Variants in RAMP1 observed in about 807,000 individuals in gnomAD.
RAMP1 encodes receptor activity modifying protein 1.
Under a neutral mutation model 8.2 loss-of-function variants are expected in RAMP1, and 7 were observed. The observed-to-expected ratio is 0.85, with a 90% CI of 0.49 to 1.60. The LOEUF (loss-of-function observed/expected upper bound fraction) is 1.60. Among genes scored for constraint, RAMP1 ranks in the 40% most tolerant of loss-of-function variants. The pLI is 0.00. For synonymous variants in RAMP1, 92 were observed against 84.7 expected, an observed-to-expected ratio of 1.09 and a Z score of -0.47; for missense variants, 192 against 202.4, an observed-to-expected ratio of 0.95 and a Z score of 0.31.
Position 237,886,945 on chromosome 2 carries a change from G to A in RAMP1, c.191+9583G>A, listed in dbSNP as rs116603311. ...ACCCCCGCCTCCCCTGTGGACACTC[G>A]ACTACAGCAGCCACACCCCCAGAAA... is the stretch of plus-strand genomic sequence containing the variant. On this transcript the variant is annotated intron_variant, in intron 2 of 2. Coordinates refer to ENST00000254661, the MANE Select transcript of RAMP1 (RefSeq NM_005855.4). Among the ~76,000 whole-genome samples the A allele has an allele frequency of 7.9e-3, 1,206 of 152,274 alleles. 18 individuals are homozygous for A. Among genetic ancestry groups the A allele is most frequent in the African/African-American group, 0.025 (1,045 of 41,542 alleles).
chr2:237,909,079 G>A (rs2062681944), intron 2 of RAMP1, among the ~76,000 whole-genome samples: 1 of 152,166 alleles, frequency 6.6e-6, no homozygotes, highest in African/African-American at 2.4e-5. Context: ...TGCCCCCATG[G>A]GGCAAGGGCT....
chr2:237,872,218 G>A (rs957016716), intron 1 of RAMP1, among the ~76,000 whole-genome samples: 10 of 152,292 alleles, frequency 6.6e-5, no homozygotes, highest in African/African-American at 1.7e-4. Flanking sequence ...GAGGAGAGGC[G>A]GCTCGGCAGC....
intron 2 of RAMP1, among the ~76,000 whole-genome samples, chr2:237,879,597 G>A (rs1348041346): frequency 8.4e-6 from 1 of 118,622 alleles, no homozygotes; most frequent in African/African-American, 3.5e-5. Flanking sequence ...CCATTAACTC[G>A]TCATTTAATG....
At position 237,877,110 on chromosome 2, in the gene RAMP1, T is replaced by C; in HGVS notation, c.53-114T>C. 7.4e-7 allele frequency: 1 copy of C among 1,359,018 alleles called. No homozygotes were observed. The highest frequency in any genetic ancestry group is 1.4e-5 in the African/African-American group (1 of 69,950). The allele number at this position is 1,359,018 out of a possible 1,614,324, so 84.2% of individuals were successfully genotyped here. ...AGCCACAGTCGCCCTCTCCAGGGGT[T>C]GCTTAGAGGCCCCGTTCTCGTGGAG... On this transcript the variant is annotated intron_variant, in intron 1 of 2. Coordinates refer to ENST00000254661, the MANE Select transcript of RAMP1 (RefSeq NM_005855.4). This position sits in a 1 kb window ranked among gnomAD's most constrained non-coding sequence, Gnocchi z 4.4.
rs541203737 is a variant in RAMP1 at position 237,885,487 on chromosome 2, A to G, written c.191+8125A>G. Among the ~76,000 whole-genome samples, 179 of 152,340 alleles carry G rather than the reference A, an allele frequency of 1.2e-3. 2 individuals carry two copies. Among genetic ancestry groups the G allele is most frequent in the East Asian group, 1.3e-3 (7 of 5,190 alleles). On this transcript the variant is annotated intron_variant, in intron 2 of 2. Coordinates refer to ENST00000254661, the MANE Select transcript of RAMP1 (RefSeq NM_005855.4). ...CCGCCCTGGAACTTGCCACATGCCC[A>G]CGAGCACTGGGACCCCTCTGTGCTC...
chr2:237,883,826 AAAAAGAAAAG>A lies in RAMP1; in HGVS notation c.191+6474_191+6483del, dbSNP rs1363012537. Among the ~76,000 whole-genome samples the A allele has an allele frequency of 3.3e-5, 5 of 149,680 alleles. No individual in the cohort carries two copies. In the South Asian group the frequency reaches 1.0e-3, roughly 31 times the overall value. On this transcript the variant is annotated intron_variant, in intron 2 of 2. Transcript: ENST00000254661. ...AACCAGACCCTACCTCAAAAAAAAAAAAAAGAAAAGAAAAGAAAAAAAAAAAAGAGGCTCC... is the reference window on the plus strand; with the variant it reads ...AACCAGACCCTACCTCAAAAAAAAAAAAAAGAAAAAAAAAAAAGAGGCTCC...
chr2:237,905,068 T>C (rs2062639317), intron 2 of RAMP1, among the ~76,000 whole-genome samples: 2 of 152,046 alleles, frequency 1.3e-5, no homozygotes, highest in Non-Finnish European at 2.9e-5. Context: ...ACTCCCACCA[T>C]AGGATTCAGG....
chr2:237,872,647 C>T (rs1344168175), intron 1 of RAMP1, among the ~76,000 whole-genome samples: 3 of 152,212 alleles, frequency 2.0e-5, no homozygotes, highest in African/African-American at 4.8e-5. Context: ...GGCTGTACCA[C>T]TCCTGGGCTG....
intron 1 of RAMP1, among the ~76,000 whole-genome samples, chr2:237,871,744 A>G (rs1261459297): frequency 6.6e-6 from 1 of 152,158 alleles, no homozygotes; most frequent in African/African-American, 2.4e-5. Flanking sequence ...CCACTGCGCT[A>G]TGTGTTCTAA....
In RAMP1 at chr2:237,859,639, C is replaced by T. The variant is rs1368100382; in HGVS notation, c.-37C>T. The T allele has an allele frequency of 2.4e-5, 34 of 1,418,530 alleles. No homozygotes were observed. The highest frequency in any genetic ancestry group is 3.0e-5 in the Non-Finnish European group (33 of 1,082,054). 87.9% of individuals were successfully genotyped at this position (1,418,530 alleles called of 1,614,324 possible). On this transcript the variant is annotated 5_prime_UTR_variant, in exon 1 of 3. Transcript: ENST00000254661. ...GGCGGGCTCAGTCCTCAGCGGGGCG[C>T]GTGGCGAGCGGACTCGACTCGGCAC... is the stretch of plus-strand genomic sequence containing the variant.
intron 2 of RAMP1, among the ~76,000 whole-genome samples, chr2:237,880,093 G>A (rs2062352137): frequency 6.6e-6 from 1 of 152,000 alleles, no homozygotes; most frequent in African/African-American, 2.4e-5. Context: ...GCCAGCCCCT[G>A]GGGTCTGCGT....
chr2:237,883,478 C>T (rs200937730), intron 2 of RAMP1, among the ~76,000 whole-genome samples: 1 of 152,116 alleles, frequency 6.6e-6, no homozygotes, highest in East Asian at 1.9e-4. Context: ...CCCCCGTGAT[C>T]CCTGCTTTAC....
At chr2:237,901,428 A>T (rs1299088781) in intron 2 of RAMP1, among the ~76,000 whole-genome samples, 1 of 152,222 alleles carries the variant, frequency 6.6e-6, no homozygotes, top group Non-Finnish European at 1.5e-5. Context: ...GCCAAATATG[A>T]TTGAAGCATC....
In RAMP1 at chr2:237,862,964, C is replaced by T. The variant is rs973423746; in HGVS notation, c.52+3237C>T. Reference sequence around the variant, plus strand: ...CCATGACATAGAGCACTCCTGAAGCCTTTTGAGCCCCTAGATCGAGCTCAT... The same window carrying T: ...CCATGACATAGAGCACTCCTGAAGCTTTTTGAGCCCCTAGATCGAGCTCAT... On this transcript the variant is annotated intron_variant, in intron 1 of 2. Coordinates refer to ENST00000254661, the MANE Select transcript of RAMP1 (RefSeq NM_005855.4). The surrounding 1 kb of genome is among the most constrained non-coding windows in gnomAD (Gnocchi z 4.0). Among the ~76,000 whole-genome samples, 2 of 152,202 alleles carry T rather than the reference C, an allele frequency of 1.3e-5. No individual in the cohort carries two copies. The highest frequency in any genetic ancestry group is 4.8e-5 in the African/African-American group (2 of 41,438).
intron 2 of RAMP1, among the ~76,000 whole-genome samples, chr2:237,904,742 C>T (rs576639364): frequency 2.6e-5 from 4 of 152,322 alleles, no homozygotes; most frequent in East Asian, 1.9e-4. Flanking sequence ...GAAATGTATA[C>T]GTCATGAGCC....
intron 2 of RAMP1, among the ~76,000 whole-genome samples, chr2:237,895,196 G>A (rs1439368667): frequency 3.9e-5 from 6 of 152,114 alleles, no homozygotes; most frequent in Non-Finnish European, 8.8e-5. Context: ...AGGAGGCCAC[G>A]TGTTGCCTGC....
At chr2:237,909,381 G>T (rs1036324928) in intron 2 of RAMP1, among the ~76,000 whole-genome samples, 2 of 152,176 alleles carry the variant, frequency 1.3e-5, no homozygotes, top group Non-Finnish European at 2.9e-5. Flanking sequence ...TCATGCAGGG[G>T]TACCCAGTGG....
intron 2 of RAMP1, among the ~76,000 whole-genome samples, chr2:237,907,343 TTA>T (rs1350558250): frequency 6.6e-6 from 1 of 152,222 alleles, no homozygotes; most frequent in Non-Finnish European, 1.5e-5. Flanking sequence ...ATCTGCGATT[TTA>T]TGTCTTTCAT....
chr2:237,895,773 C>G (rs1437007995), intron 2 of RAMP1, among the ~76,000 whole-genome samples: 4 of 152,158 alleles, frequency 2.6e-5, no homozygotes, highest in Admixed American at 2.6e-4. Flanking sequence ...AAGGCAGAGC[C>G]CGTCCAGCCT....
Sources: allele counts gnomAD v4.1 joint callset (sites outside exome capture counted in the v4.1 genomes callset), GRCh38; gene constraint gnomAD v4.1.1; non-coding constraint Gnocchi (gnomAD v3.1); transcripts MANE v1.5; gene names NCBI Gene and HGNC (gene_info 2026-07-23, HGNC 2026-07-21).